Variants in ARHGEF10 observed in about 807,000 individuals in gnomAD.
ARHGEF10 encodes Rho guanine nucleotide exchange factor 10.
ARHGEF10 carries 140 observed loss-of-function variants against 147.4 expected under a neutral mutation model. The ratio of observed to expected loss-of-function variants is 0.95; its 90% CI spans 0.83 to 1.09. ARHGEF10 has a LOEUF of 1.09. ARHGEF10 is among the 50% of genes least tolerant of loss of function. The probability of loss-of-function intolerance (pLI) is 0.00; values close to 1 mark genes in which losing one functional copy is unlikely to be tolerated. For synonymous variants in ARHGEF10, 902 were observed against 695.8 expected (o/e 1.30, Z -4.67); for missense variants, 2,222 against 1,752.7 (o/e 1.27, Z -4.78).
At chr8:1,872,470 C>G (rs1176694878) in intron 7 of ARHGEF10, among the ~76,000 whole-genome samples, 1 of 152,190 alleles carries the variant, frequency 6.6e-6, no homozygotes, top group African/African-American at 2.4e-5. Flanking sequence ...TGCTACATTT[C>G]CTTCCAGAAA....
chr8:1,875,711 A>C (rs940801886), intron 7 of ARHGEF10, among the ~76,000 whole-genome samples: 1 of 152,196 alleles, frequency 6.6e-6, no homozygotes, highest in African/African-American at 2.4e-5. Flanking sequence ...TGAAATATCT[A>C]AGGATTGTAA....
rs927935624 is a variant in ARHGEF10 at position 1,929,540 on chromosome 8, C to T, written c.3079+97C>T. 10 of 1,422,972 alleles carry T rather than the reference C, an allele frequency of 7.0e-6. No individual in the cohort carries two copies. In the Admixed American group the frequency reaches 1.7e-4, roughly 25 times the overall value. 88.1% of individuals were successfully genotyped at this position (1,422,972 alleles called of 1,614,324 possible). A position where few individuals can be genotyped will look rare whatever the true frequency, so the allele number is the denominator to read the frequency against. ...TCCCCACCTCCCCACCGGCCTCCTG[C>T]CTCCCGCCCCTGTGCCTCCGCCCCT... On this transcript the variant is annotated intron_variant, in intron 25 of 28. Transcript: ENST00000349830.
chr8:1,901,048 G>A (rs1810411354), intron 15 of ARHGEF10, among the ~76,000 whole-genome samples: 1 of 152,116 alleles, frequency 6.6e-6, no homozygotes, highest in South Asian at 2.1e-4. Context: ...AGCAGGGTGG[G>A]TCCACGTACT....
At chr8:1,890,465 T>G (rs1809418641) in intron 11 of ARHGEF10, among the ~76,000 whole-genome samples, 2 of 143,718 alleles carry the variant, frequency 1.4e-5, no homozygotes, top group East Asian at 2.2e-4. Context: ...GGGGTGAGTG[T>G]TGTGAGGAGA....
At chr8:1,856,236 T>C (rs1044002578) in intron 2 of ARHGEF10, among the ~76,000 whole-genome samples, 13 of 152,210 alleles carry the variant, frequency 8.5e-5, no homozygotes, top group Admixed American at 4.6e-4. Context: ...CTGAATCCTT[T>C]TTCTTGATTC....
rs1809172769 is a variant in ARHGEF10, at chr8:1,889,339, A to G, written c.1182+3632A>G. Among the ~76,000 whole-genome samples, 3 of 70,362 alleles carry G rather than the reference A, an allele frequency of 4.3e-5. 1 individual carries two copies. Among genetic ancestry groups the G allele is most frequent in the Non-Finnish European group, 5.4e-5 (2 of 37,348 alleles). The allele number at this position is 70,362 out of a possible 152,430, so 46.2% of individuals were successfully genotyped here. A position where few individuals can be genotyped will look rare whatever the true frequency, so the allele number is the denominator to read the frequency against. Reference sequence around the variant, plus strand: ...CTTTCTTAGGAGACACTGAGTGGGTAAGAGTTGTGAGGAGACACTGAGTGG... The same window carrying G: ...CTTTCTTAGGAGACACTGAGTGGGTGAGAGTTGTGAGGAGACACTGAGTGG... On this transcript the variant is annotated intron_variant, in intron 11 of 28. Transcript: ENST00000349830.
intron 2 of ARHGEF10, among the ~76,000 whole-genome samples, chr8:1,844,637 A>G (rs1049690155): frequency 6.6e-6 from 1 of 152,148 alleles, no homozygotes; most frequent in African/African-American, 2.4e-5. Flanking sequence ...ACCCGAGGCC[A>G]CAGCTCCACT....
intron 8 of ARHGEF10, among the ~76,000 whole-genome samples, chr8:1,877,901 C>T (rs10441636): frequency 0.14 from 21,318 of 151,856 alleles, 1,762 homozygotes; most frequent in South Asian, 0.29. Flanking sequence ...TGACAGTTGT[C>T]GATAACCGGT....
chr8:1,883,480 A>G (rs771759948), intron 10 of ARHGEF10, among the ~76,000 whole-genome samples: 2 of 152,074 alleles, frequency 1.3e-5, no homozygotes, highest in Non-Finnish European at 2.9e-5. Context: ...GCATTTGCTA[A>G]TATCTGTACT....
At chr8:1,949,829 C>G (rs768351218) in intron 27 of ARHGEF10, among the ~76,000 whole-genome samples, 16 of 152,014 alleles carry the variant, frequency 1.1e-4, no homozygotes, top group South Asian at 6.3e-4. Flanking sequence ...CCTGGCCTGT[C>G]CTTTGTTTTA....
At chr8:1,905,092 G>T (rs976734246) in intron 16 of ARHGEF10, among the ~76,000 whole-genome samples, 1 of 152,190 alleles carries the variant, frequency 6.6e-6, no homozygotes, top group Non-Finnish European at 1.5e-5. Flanking sequence ...TTGTGCGGCT[G>T]CACTCCAGCC....
Position 1,957,310 on chromosome 8 carries a change from T to C in ARHGEF10, c.*47T>C. On this transcript the variant is annotated 3_prime_UTR_variant, in exon 29 of 29. Transcript: ENST00000349830. Reference sequence around the variant, plus strand: ...GTCAGAATTTGCAATCAAGGGTGACTTCTCAGCTAATCCTACAGCCTGAGT... The same window carrying C: ...GTCAGAATTTGCAATCAAGGGTGACCTCTCAGCTAATCCTACAGCCTGAGT... The C allele has an allele frequency of 6.3e-7, 1 of 1,585,368 alleles. No individual in the cohort carries two copies. Among genetic ancestry groups the C allele is most frequent in the Non-Finnish European group, 8.6e-7 (1 of 1,169,066 alleles).
At chr8:1,939,068 G>A (rs1813863221) in intron 26 of ARHGEF10, among the ~76,000 whole-genome samples, 1 of 152,118 alleles carries the variant, frequency 6.6e-6, no homozygotes, top group Non-Finnish European at 1.5e-5. Context: ...GAACACTGTG[G>A]AATCTCAGTC....
intron 1 of ARHGEF10, among the ~76,000 whole-genome samples, chr8:1,835,225 C>G (rs1051080632): frequency 6.6e-6 from 1 of 152,174 alleles, no homozygotes; most frequent in African/African-American, 2.4e-5. Context: ...CCAGGATGCT[C>G]GAGGCCCGAG....
In ARHGEF10 at chr8:1,903,287, C is replaced by A. The variant is rs764829225; in HGVS notation, c.1657C>A (p.Leu553Met). Reference sequence around the variant, plus strand: ...TCTCCCCTGTTGCTTGTAGGACATGCTGAAGAACACCTCCAAAGGCCACCC... The same window carrying A: ...TCTCCCCTGTTGCTTGTAGGACATGATGAAGAACACCTCCAAAGGCCACCC... Reference protein sequence around the residue: ...PQFILLLQDMLKNTSKGHPDR... With the variant: ...PQFILLLQDMMKNTSKGHPDR... The change falls in exon 16 of 29, where the codon CTG (leucine) becomes ATG (methionine). Residue 553 changes from leucine (L) to methionine (M), a missense_variant. By Grantham distance (15) the Leu-to-Met change is conservative. Transcript: ENST00000349830. The A allele has an allele frequency of 1.1e-5, 17 of 1,614,124 alleles. No individual in the cohort carries two copies. The South Asian group carries it at 1.9e-4, about 18-fold the overall frequency.
chr8:1,905,542 G>A, intron 16 of ARHGEF10, 29 bp from the exon 17 acceptor site: 1 of 1,614,078 alleles, frequency 6.2e-7, no homozygotes, highest in African/African-American at 1.3e-5. Flanking sequence ...ACTGAACTGT[G>A]GTCCCTGGGC....
At position 1,905,540 on chromosome 8, in the gene ARHGEF10, G is replaced by A. The variant is rs749860788; in HGVS notation, c.1822-31G>A. 1.1e-5 allele frequency: 18 copies of A among 1,614,008 alleles called. No homozygotes were observed. The South Asian group carries it at 1.8e-4, about 16-fold the overall frequency. ...TTTTCTTTTCCGGGTAAACTGAACTGTGGTCCCTGGGCTGTGTTTTGAATG... is the reference window on the plus strand; with the variant it reads ...TTTTCTTTTCCGGGTAAACTGAACTATGGTCCCTGGGCTGTGTTTTGAATG... On this transcript the variant is annotated intron_variant, in intron 16 of 28. Coordinates refer to ENST00000349830, the MANE Select transcript of ARHGEF10 (RefSeq NM_014629.4).
rs896517496 is a variant in ARHGEF10 at position 1,939,891 on chromosome 8, A to C, written c.3223-5590A>C. ...AGCAGCCTTTGACTTGACTTCTTGG[A>C]GCACAGTTCTGTGTAGTTTTCTTTT... On this transcript the variant is annotated intron_variant, in intron 26 of 28. Coordinates refer to ENST00000349830, the MANE Select transcript of ARHGEF10 (RefSeq NM_014629.4). 1.6e-4 allele frequency among the ~76,000 whole-genome samples: 25 copies of C among 152,166 alleles called. 1 individual carries two copies. The highest frequency in any genetic ancestry group is 3.9e-4 in the Admixed American group (6 of 15,280).
intron 6 of ARHGEF10, among the ~76,000 whole-genome samples, chr8:1,867,344 T>A (rs1261697949): frequency 2.0e-5 from 3 of 152,208 alleles, no homozygotes; most frequent in Non-Finnish European, 4.4e-5. Flanking sequence ...AAAACACAAT[T>A]TTTGGTCACG....
Sources: gnomAD v4.1 joint callset for allele counts (sites outside exome capture counted in the v4.1 genomes callset) on GRCh38, gnomAD v4.1.1 for gene constraint, MANE v1.5 for transcripts, NCBI Gene and HGNC (gene_info 2026-07-23, HGNC 2026-07-21) for gene names.